The following FAM131A variants were observed in gnomAD, a reference collection of about 807,000 sequenced individuals.
FAM131A encodes protein FAM131A.
FAM131A carries 24 observed loss-of-function variants against 39.2 expected under a neutral mutation model. The observed-to-expected ratio is 0.61, with a 90% CI of 0.44 to 0.86. The LOEUF is 0.86. Among genes scored for constraint, FAM131A ranks in the 40% least tolerant of loss-of-function variants. FAM131A has a pLI of 0.00. For missense variants in FAM131A, 373 were observed against 481.2 expected (o/e 0.78, Z 2.10); for synonymous variants, 202 against 206.8 (o/e 0.98, Z 0.20).
intron 5 of FAM131A, among the ~76,000 whole-genome samples, chr3:184,343,504 CAA>C (rs1253078725): frequency 6.6e-6 from 1 of 152,220 alleles, no homozygotes; most frequent in East Asian, 1.9e-4. Flanking sequence ...CTTCTGGGCT[CAA>C]GTCTCACAGG....
chr3:184,338,605 G>C, intron 2 of FAM131A, 76 bp downstream of exon 2: 1 of 1,494,684 alleles, frequency 6.7e-7, no homozygotes, highest in Non-Finnish European at 8.9e-7. Context: ...ACCCACGCCT[G>C]GCCAGCCAGC....
chr3:184,343,876 G>A (rs1727489841), intron 5 of FAM131A, among the ~76,000 whole-genome samples: 1 of 152,270 alleles, frequency 6.6e-6, no homozygotes, highest in South Asian at 2.1e-4. Context: ...GGTGAGCAGA[G>A]TATGGGTTAG....
Position 184,345,099 on chromosome 3 carries a change from T to A in FAM131A, c.*129T>A. On this transcript the variant is annotated 3_prime_UTR_variant, in exon 6 of 6. Coordinates refer to ENST00000383847, the MANE Select transcript of FAM131A (RefSeq NM_144635.5). The stretch of plus-strand genomic sequence containing the variant: ...TAGAGGGCTCCTGGGAGCGCTCGCT[T>A]CTCCGTTGTGTGTTTTGCATGAAAG... 6 of 878,958 alleles carry A rather than the reference T, an allele frequency of 6.8e-6. No individual in the cohort carries two copies. In the South Asian group the frequency reaches 7.3e-5, roughly 11 times the overall value. The allele number at this position is 878,958 out of a possible 1,614,324, so 54.4% of individuals were successfully genotyped here.
rs571103906 is a variant in FAM131A, at chr3:184,338,712, G to A, written c.231+183G>A. 224 of 703,056 alleles carry A rather than the reference G, an allele frequency of 3.2e-4. 3 individuals carry two copies. In the South Asian group the frequency reaches 3.8e-3, roughly 12 times the overall value. 43.6% of individuals were successfully genotyped at this position (703,056 alleles called of 1,614,324 possible). On this transcript the variant is annotated intron_variant, in intron 2 of 5. Transcript: ENST00000383847. ...TGCTCTGCTCGGCGCTGTGCCAGCA[G>A]GCGGAGAGCTCGCGCCTTCCGCGCT... is the stretch of plus-strand genomic sequence containing the variant.
Position 184,344,773 on chromosome 3 carries a change from C to A in FAM131A, c.904C>A (p.Gln302Lys). The A allele has an allele frequency of 6.2e-7, 1 of 1,612,292 alleles. No individual in the cohort carries two copies. The highest frequency in any genetic ancestry group is 8.5e-7 in the Non-Finnish European group (1 of 1,179,932). ...AFRSLGPLEA[Q>K]DSLYNSPLTE... ...CCGCAGCCTGGGCCCACTGGAGGCC[C>A]AGGACTCACTCTACAACTCGCCCCT... Residue 302 changes from glutamine (Q) to lysine (K), a missense_variant, in exon 6 of 6, where the codon CAG becomes AAG. Gln to Lys is a moderately conservative substitution (Grantham distance 53). Coordinates refer to ENST00000383847, the MANE Select transcript of FAM131A (RefSeq NM_144635.5).
Position 184,344,736 on chromosome 3 carries a change from G to A in FAM131A, c.867G>A (p.Arg289=). 1 of 1,612,426 alleles carries A rather than the reference G, an allele frequency of 6.2e-7. No homozygotes were observed. The highest frequency in any genetic ancestry group is 1.1e-5 in the South Asian group (1 of 91,086). ...ELLLAKLPPS[R]ESAFRSLGPL... Reference sequence around the variant, plus strand: ...TTCTCGCCAAACTGCCCCCCAGCCGGGAAAGTGCCTTCCGCAGCCTGGGCC... The same window carrying A: ...TTCTCGCCAAACTGCCCCCCAGCCGAGAAAGTGCCTTCCGCAGCCTGGGCC... The change falls in exon 6 of 6, where the codon CGG becomes CGA. Residue 289 remains arginine (R), a synonymous_variant. Transcript: ENST00000383847.
At position 184,342,706 on chromosome 3, in the gene FAM131A, C is replaced by A; in HGVS notation, c.509-38C>A. On this transcript the variant is annotated intron_variant, in intron 4 of 5. Coordinates refer to ENST00000383847, the MANE Select transcript of FAM131A (RefSeq NM_144635.5). This position sits in a 1 kb window ranked among gnomAD's most constrained non-coding sequence, Gnocchi z 4.6. ...TCTTCAAGCTGAGCCCTAGACTTAG[C>A]TCACCTTCTCTGCTTATGCATTCTG... The A allele has an allele frequency of 6.4e-7, 1 of 1,573,244 alleles. No individual in the cohort carries two copies. Among genetic ancestry groups the A allele is most frequent in the Non-Finnish European group, 8.7e-7 (1 of 1,145,716 alleles).
At position 184,342,386 on chromosome 3, in the gene FAM131A, C is replaced by T; in HGVS notation, c.508+138C>T. Reference sequence around the variant, plus strand: ...GCAGTGATGCAATCTCAGCTCACTGCAACCTCTGCCACCCCAGTTCAAGCG... The same window carrying T: ...GCAGTGATGCAATCTCAGCTCACTGTAACCTCTGCCACCCCAGTTCAAGCG... On this transcript the variant is annotated intron_variant, in intron 4 of 5. Coordinates refer to ENST00000383847, the MANE Select transcript of FAM131A (RefSeq NM_144635.5). This position sits in a 1 kb window ranked among gnomAD's most constrained non-coding sequence, Gnocchi z 4.6. The T allele has an allele frequency of 9.6e-7, 1 of 1,040,662 alleles. No homozygotes were observed. The highest frequency in any genetic ancestry group is 1.8e-5 in the South Asian group (1 of 55,298). 64.5% of individuals were successfully genotyped at this position (1,040,662 alleles called of 1,614,324 possible). A position where few individuals can be genotyped will look rare whatever the true frequency, so the allele number is the denominator to read the frequency against.
chr3:184,336,744 C>T (rs955815318), upstream of FAM131A, among the ~76,000 whole-genome samples: 1 of 152,230 alleles, frequency 6.6e-6, no homozygotes. This position sits in a 1 kb window ranked among gnomAD's most constrained non-coding sequence, Gnocchi z 5.5. Context: ...GTCCTGCCCC[C>T]ACTCAGCAAA....
chr3:184,343,006 A>G, intron 5 of FAM131A, 146 bp downstream of exon 5: 1 of 605,794 alleles, frequency 1.7e-6, no homozygotes, highest in Non-Finnish European at 2.9e-6. Context: ...CACTCCAGGG[A>G]CAGGAAGGCT....
chr3:184,341,994 C>T (rs759559677), intron 3 of FAM131A, 72 bp from the exon 4 acceptor site: 7 of 1,586,260 alleles, frequency 4.4e-6, no homozygotes, highest in South Asian at 3.3e-5. Flanking sequence ...TACTGCCACC[C>T]TTCCACCTCC....
rs563777024 is a variant in FAM131A, at chr3:184,338,033, T to TG, written c.88+322dup. 5.2e-3 allele frequency among the ~76,000 whole-genome samples: 784 copies of TG among 151,590 alleles called. 9 individuals are homozygous for TG. Among genetic ancestry groups the TG allele is most frequent in the African/African-American group, 0.018 (749 of 41,274 alleles). ...TGCAAAGGGTCCAGGGTGGCGGTGG[T>TG]GGGGGGGACAGTGATGGCGGAAGAA... On this transcript the variant is annotated intron_variant, in intron 1 of 5. Coordinates refer to ENST00000383847, the MANE Select transcript of FAM131A (RefSeq NM_144635.5).
Position 184,345,013 on chromosome 3 carries a change from C to T in FAM131A, c.*43C>T. On this transcript the variant is annotated 3_prime_UTR_variant, in exon 6 of 6. Transcript: ENST00000383847. ...AGTGGCATGCATCCCCCGGCTGCTG[C>T]CAGGGGCAGAGCCTCTGTGCCCAAG... 6.9e-7 allele frequency: 1 copy of T among 1,459,226 alleles called. No homozygotes were observed. The highest frequency in any genetic ancestry group is 9.1e-7 in the Non-Finnish European group (1 of 1,102,168). 90.4% of individuals were successfully genotyped at this position (1,459,226 alleles called of 1,614,324 possible).
chr3:184,343,746 ATAAC>A (rs1205480389), intron 5 of FAM131A, among the ~76,000 whole-genome samples: 3 of 152,212 alleles, frequency 2.0e-5, no homozygotes, highest in Non-Finnish European at 4.4e-5. Context: ...GGTAATGATA[ATAAC>A]TAACATTTAT....
rs1560244739 is a variant in FAM131A at position 184,344,724 on chromosome 3, G to T, written c.855G>T (p.Leu285=). The T allele has an allele frequency of 3.1e-6, 5 of 1,612,038 alleles. No homozygotes were observed. Among genetic ancestry groups the T allele is most frequent in the Non-Finnish European group, 4.2e-6 (5 of 1,179,968 alleles). The change falls in exon 6 of 6, where the codon CTG becomes CTT. Residue 285 remains leucine (L), a synonymous_variant. Coordinates refer to ENST00000383847, the MANE Select transcript of FAM131A (RefSeq NM_144635.5). The part of the protein sequence containing the change: ...LLGDELLLAK[L]PPSRESAFRS... ...GCGATGAGCTGCTTCTCGCCAAACT[G>T]CCCCCCAGCCGGGAAAGTGCCTTCC...
At chr3:184,344,387 A>G in intron 5 of FAM131A, 108 bp from the exon 6 acceptor site, 1 of 1,054,688 alleles carries the variant, frequency 9.5e-7, no homozygotes, top group Non-Finnish European at 1.4e-6. Flanking sequence ...CCCAGCACCT[A>G]TCCACCCCTA....
rs1355363594 is a variant in FAM131A at position 184,337,712 on chromosome 3, C to T, written c.82C>T (p.Arg28Cys). The T allele has an allele frequency of 3.9e-6, 6 of 1,537,002 alleles. No individual in the cohort carries two copies. Among genetic ancestry groups the T allele is most frequent in the African/African-American group, 1.4e-5 (1 of 72,992 alleles). ...AGGACGATGGACTTGTCAGACAAGTCGCAGAGGTGAGACCAGGGATCATGG... is the reference window on the plus strand; with the variant it reads ...AGGACGATGGACTTGTCAGACAAGTTGCAGAGGTGAGACCAGGGATCATGG... The part of the protein sequence containing the change: ...PGGRWTCQTS[R>C]RVSSDPAWAV... The change falls in exon 1 of 6, where the codon CGC (arginine) becomes TGC (cysteine). Residue 28 changes from arginine to cysteine, a missense_variant. By Grantham distance (180) the Arg-to-Cys change is radical. Around this residue, in one of 2 missense-constraint regions of FAM131A, gnomAD observed 221 missense variants for 347.7 expected, o/e 0.64. Coordinates refer to ENST00000383847, the MANE Select transcript of FAM131A (RefSeq NM_144635.5).
In FAM131A at chr3:184,344,971, C is replaced by A. The variant is rs759770014; in HGVS notation, c.*1C>A. Reference sequence around the variant, plus strand: ...TGAGGCAGAGCCAGAGGAACAGTGACCCACATCATGCCTGGCAGTGGCATG... The same window carrying A: ...TGAGGCAGAGCCAGAGGAACAGTGAACCACATCATGCCTGGCAGTGGCATG... On this transcript the variant is annotated 3_prime_UTR_variant, in exon 6 of 6. Coordinates refer to ENST00000383847, the MANE Select transcript of FAM131A (RefSeq NM_144635.5). 8 of 1,542,056 alleles carry A rather than the reference C, an allele frequency of 5.2e-6. No individual in the cohort carries two copies. Among genetic ancestry groups the A allele is most frequent in the Non-Finnish European group, 7.0e-6 (8 of 1,146,606 alleles).
intron 2 of FAM131A, 44 bp downstream of exon 2, chr3:184,338,573 A>G: frequency 6.6e-7 from 1 of 1,525,814 alleles, no homozygotes; most frequent in Non-Finnish European, 8.8e-7. Flanking sequence ...CGTCATCCAT[A>G]TAAAGGGGAT....
Sources: gnomAD v4.1 joint callset for allele counts (sites outside exome capture counted in the v4.1 genomes callset) on GRCh38, gnomAD v4.1.1 for gene constraint, gnomAD v4.1.1 regional missense constraint, Gnocchi (gnomAD v3.1) non-coding constraint, MANE v1.5 for transcripts, NCBI Gene and HGNC (gene_info 2026-07-23, HGNC 2026-07-21) for gene names.